Variants in CHRNA7 observed in about 807,000 individuals in gnomAD.
CHRNA7 encodes neuronal acetylcholine receptor subunit alpha-7.
In CHRNA7, 17 loss-of-function variants were observed where a neutral mutation model predicts 48.0. The observed-to-expected ratio is 0.35, with a 90% CI of 0.24 to 0.53. CHRNA7 has a LOEUF of 0.53. Among genes scored for constraint, CHRNA7 ranks in the 20% least tolerant of loss-of-function variants. The pLI, the probability that CHRNA7 is intolerant of heterozygous loss-of-function variation, is 0.92. For missense variants in CHRNA7, 155 were observed against 577.7 expected (o/e 0.27, Z 7.50); for synonymous variants, 75 against 242.3 (o/e 0.31, Z 6.41).
At chr15:32,056,261 A>G (rs1052456705) in intron 2 of CHRNA7, among the ~76,000 whole-genome samples, 1 of 152,050 alleles carries the variant, frequency 6.6e-6, no homozygotes, top group African/African-American at 2.4e-5. Flanking sequence ...ATTTTTCTGT[A>G]TTTTTTAGAA....
rs149388422 is a variant in CHRNA7, at chr15:32,103,919, G to A, written c.240+2572G>A. Among the ~76,000 whole-genome samples, 4 of 152,204 alleles carry A rather than the reference G, an allele frequency of 2.6e-5. No individual in the cohort carries two copies. In the East Asian group the frequency reaches 5.8e-4, roughly 22 times the overall value. ...TCCTGGCAGCTTGACCTGCAAAACC[G>A]ATCCAGGATCTAACTACTGGGCATC... On this transcript the variant is annotated intron_variant, in intron 3 of 9. Transcript: ENST00000306901.
intron 4 of CHRNA7, among the ~76,000 whole-genome samples, chr15:32,143,277 TC>T (rs1384557782): frequency 6.6e-6 from 1 of 152,260 alleles, no homozygotes; most frequent in Non-Finnish European, 1.5e-5. Flanking sequence ...TGCACTGTGG[TC>T]TGAGAGACAG....
chr15:32,070,369 A>G (rs930651805), intron 2 of CHRNA7, among the ~76,000 whole-genome samples: 2 of 152,168 alleles, frequency 1.3e-5, no homozygotes. Flanking sequence ...TTCTTTATAT[A>G]TTCCAGAGAT....
chr15:32,141,328 TGTA>T (rs1334270259), intron 4 of CHRNA7, among the ~76,000 whole-genome samples: 1 of 152,242 alleles, frequency 6.6e-6, no homozygotes, highest in African/African-American at 2.4e-5. Context: ...ACTGTAGCCT[TGTA>T]GTGTAGTTTG....
chr15:32,084,816 T>C (rs981336553), intron 2 of CHRNA7, among the ~76,000 whole-genome samples: 6 of 141,956 alleles, frequency 4.2e-5, no homozygotes, highest in African/African-American at 1.6e-4. Flanking sequence ...CCTATGCTCA[T>C]CGGCTGACCT....
intron 2 of CHRNA7, among the ~76,000 whole-genome samples, chr15:32,067,390 G>T (rs2049983537): frequency 6.6e-6 from 1 of 152,224 alleles, no homozygotes; most frequent in Non-Finnish European, 1.5e-5. Flanking sequence ...AGTGCTGGAA[G>T]AAAAGACTTT....
At chr15:32,139,311 C>T (rs1382557860) in intron 4 of CHRNA7, among the ~76,000 whole-genome samples, 33 of 152,200 alleles carry the variant, frequency 2.2e-4, no homozygotes, top group Admixed American at 2.2e-3. Context: ...ATGAATAAAG[C>T]TGCTATCAAC....
At chr15:32,087,713 A>G (rs746852483) in intron 2 of CHRNA7, among the ~76,000 whole-genome samples, 2 of 152,214 alleles carry the variant, frequency 1.3e-5, no homozygotes, top group Non-Finnish European at 2.9e-5. Flanking sequence ...TTCGATTGCA[A>G]TATACATGTA....
At chr15:32,047,084 T>C (rs1195501286) in intron 2 of CHRNA7, among the ~76,000 whole-genome samples, 6 of 147,042 alleles carry the variant, frequency 4.1e-5, no homozygotes, top group African/African-American at 7.8e-5. Context: ...TTGTAGTATA[T>C]AGTTTGAAGT....
intron 4 of CHRNA7, among the ~76,000 whole-genome samples, chr15:32,146,075 T>G (rs2051482688): frequency 1.3e-5 from 2 of 152,198 alleles, no homozygotes; most frequent in African/African-American, 4.8e-5. Flanking sequence ...AAGTCTTAAC[T>G]AAAATATCAG....
intron 4 of CHRNA7, among the ~76,000 whole-genome samples, chr15:32,112,536 A>C (rs1428868055): frequency 6.6e-6 from 1 of 152,242 alleles, no homozygotes; most frequent in Non-Finnish European, 1.5e-5. Flanking sequence ...AGGCAGGGTA[A>C]GTTTCTAGAA....
intron 2 of CHRNA7, among the ~76,000 whole-genome samples, chr15:32,070,410 A>C (rs1406344781): frequency 1.3e-5 from 2 of 152,108 alleles, no homozygotes; most frequent in African/African-American, 4.8e-5. Context: ...GTGGACTCTA[A>C]ATGTAAGAGT....
chr15:32,109,472 A>G (rs898808803), intron 3 of CHRNA7, among the ~76,000 whole-genome samples: 2 of 152,194 alleles, frequency 1.3e-5, no homozygotes, highest in African/African-American at 2.4e-5. Flanking sequence ...AGGAGGTTTC[A>G]GCCCTGCTTT....
chr15:32,152,172 C>T (rs11071593), intron 4 of CHRNA7, among the ~76,000 whole-genome samples: 15,034 of 152,136 alleles, frequency 0.099, 896 homozygotes, highest in East Asian at 0.14. Flanking sequence ...AGGCTAGGCG[C>T]GGTGGCTCAG....
chr15:32,117,077 C>T (rs1020056695), intron 4 of CHRNA7, among the ~76,000 whole-genome samples: 12 of 152,084 alleles, frequency 7.9e-5, no homozygotes, highest in African/African-American at 2.9e-4. Context: ...GACAAGGATT[C>T]CTGAGCATGT....
intron 2 of CHRNA7, chr15:32,100,020 C>A (rs912257219): frequency 3.3e-5 from 5 of 152,224 alleles, no homozygotes; most frequent in African/African-American, 1.2e-4. Flanking sequence ...CCTGGCCCAT[C>A]TCACCCCAGA....
intron 9 of CHRNA7, 125 bp downstream of exon 9, chr15:32,163,460 GT>G: frequency 1.0e-5 from 3 of 289,076 alleles, no homozygotes; most frequent in East Asian, 4.6e-5. Flanking sequence ...TTTTTTGTTT[GT>G]TTTTTTGAGA....
At chr15:32,062,017 A>G (rs903848487) in intron 2 of CHRNA7, among the ~76,000 whole-genome samples, 3 of 152,188 alleles carry the variant, frequency 2.0e-5, no homozygotes, top group Admixed American at 1.3e-4. Flanking sequence ...ACTCTTGCCC[A>G]TAGTTTAAAA....
intron 2 of CHRNA7, among the ~76,000 whole-genome samples, chr15:32,084,316 C>T (rs1390006985): frequency 6.6e-6 from 1 of 152,154 alleles, no homozygotes; most frequent in African/African-American, 2.4e-5. Flanking sequence ...TTACATAGGG[C>T]TCTCTTAGAC....
Sources: gnomAD v4.1 joint callset for allele counts (sites outside exome capture counted in the v4.1 genomes callset) on GRCh38, gnomAD v4.1.1 for gene constraint, MANE v1.5 for transcripts, NCBI Gene and HGNC (gene_info 2026-07-23, HGNC 2026-07-21) for gene names.